Variants in TENM3 observed in about 807,000 individuals in gnomAD.
TENM3 encodes the protein teneurin-3.
TENM3 carries 63 observed loss-of-function variants against 255.1 expected under a neutral mutation model. That is an observed-to-expected ratio of 0.25 (90% CI 0.20 to 0.30). TENM3 has a LOEUF of 0.30. Among genes scored for constraint, TENM3 ranks in the 10% least tolerant of loss-of-function variants. The pLI is 1.00. For synonymous variants in TENM3, 1,306 were observed against 1,322.3 expected (o/e 0.99, Z 0.27); for missense variants, 2,929 against 3,461.1 (o/e 0.85, Z 3.86).
rs55836889 is a variant in TENM3, at chr4:182,426,007, C to CAAAAAAAAAAAAAAAAAA, written c.511+79084_511+79101dup. On this transcript the variant is annotated intron_variant, in intron 3 of 27. Transcript: ENST00000511685. ...TAAGAGACAGAGCGAGAGTCCATGTCAAAAAAAAAAAAAAAAAAAAAAACA... is the reference window on the plus strand; with the variant it reads ...TAAGAGACAGAGCGAGAGTCCATGTCAAAAAAAAAAAAAAAAAAAAAAAAAAAAAAAAAAAAAAAAACA... Among the ~76,000 whole-genome samples, 231 of 90,706 alleles carry CAAAAAAAAAAAAAAAAAA rather than the reference C, an allele frequency of 2.5e-3. 9 individuals are homozygous for CAAAAAAAAAAAAAAAAAA. Among genetic ancestry groups the CAAAAAAAAAAAAAAAAAA allele is most frequent in the Non-Finnish European group, 3.9e-3 (177 of 45,356 alleles). 59.5% of individuals were successfully genotyped at this position (90,706 alleles called of 152,430 possible). A position where few individuals can be genotyped will look rare whatever the true frequency, so the allele number is the denominator to read the frequency against.
chr4:182,658,596 A>T (rs1753957073), intron 6 of TENM3, among the ~76,000 whole-genome samples: 1 of 152,232 alleles, frequency 6.6e-6, no homozygotes, highest in African/African-American at 2.4e-5. Context: ...ACGTGTCTAA[A>T]ACAGAACCCA....
chr4:181,583,075 G>A, the TENM3 span, among the ~76,000 whole-genome samples: 1 of 152,076 alleles, frequency 6.6e-6, no homozygotes, highest in African/African-American at 2.4e-5. Flanking sequence ...TGGGCAGTGG[G>A]ACTAGGGGAA....
At chr4:181,471,642 G>A in the TENM3 span, among the ~76,000 whole-genome samples, 2 of 152,150 alleles carry the variant, frequency 1.3e-5, no homozygotes, top group Non-Finnish European at 2.9e-5. Context: ...GCATTTATAG[G>A]AAGAGGTACC....
intron 24 of TENM3, among the ~76,000 whole-genome samples, chr4:182,788,750 T>TGG (rs1765875952): frequency 6.6e-6 from 1 of 152,206 alleles, no homozygotes; most frequent in Non-Finnish European, 1.5e-5. Context: ...CAGTGTCTTT[T>TGG]GGGGGAGGAG....
At chr4:181,652,723 A>T in the TENM3 span, among the ~76,000 whole-genome samples, 1 of 152,178 alleles carries the variant, frequency 6.6e-6, no homozygotes, top group Admixed American at 6.5e-5. Context: ...AAACAACAAT[A>T]CTTTCTGTTC....
chr4:182,049,988 T>C, the TENM3 span, among the ~76,000 whole-genome samples: 13 of 122,930 alleles, frequency 1.1e-4, no homozygotes, highest in African/African-American at 3.3e-4. Flanking sequence ...GTATTTTTTT[T>C]AATTAAAAAA....
the TENM3 span, among the ~76,000 whole-genome samples, chr4:181,918,880 G>C: frequency 3.3e-5 from 5 of 152,096 alleles, no homozygotes; most frequent in Non-Finnish European, 7.4e-5. Flanking sequence ...AACGTAGTAA[G>C]AGTGACAAAA....
the TENM3 span, among the ~76,000 whole-genome samples, chr4:181,458,661 C>T: frequency 7.9e-5 from 12 of 151,852 alleles, no homozygotes; most frequent in African/African-American, 2.7e-4. Context: ...CTTATTAATC[C>T]AATCCATCTG....
chr4:182,256,260 G>A (rs143519930), intron 1 of TENM3, among the ~76,000 whole-genome samples: 1 of 152,306 alleles, frequency 6.6e-6, no homozygotes, highest in East Asian at 1.9e-4. Flanking sequence ...GATGAAATTT[G>A]AATCGATTAT....
the TENM3 span, among the ~76,000 whole-genome samples, chr4:181,608,722 C>T: frequency 1.3e-5 from 2 of 152,126 alleles, no homozygotes; most frequent in African/African-American, 4.8e-5. Flanking sequence ...TTATCAAGTG[C>T]GTATGAAGCT....
At chr4:181,517,730 C>T in the TENM3 span, among the ~76,000 whole-genome samples, 30 of 152,192 alleles carry the variant, frequency 2.0e-4, no homozygotes, top group African/African-American at 6.5e-4. Context: ...GATTCACACA[C>T]GCTATCCTGT....
intron 2 of TENM3, among the ~76,000 whole-genome samples, chr4:182,331,200 C>G (rs1763731077): frequency 6.6e-6 from 1 of 152,068 alleles, no homozygotes; most frequent in Admixed American, 6.5e-5. Flanking sequence ...AATCAAAAAA[C>G]AAGATGAAAG....
At chr4:182,425,224 G>A (rs188369044) in intron 3 of TENM3, among the ~76,000 whole-genome samples, 2 of 152,150 alleles carry the variant, frequency 1.3e-5, no homozygotes, top group East Asian at 3.9e-4. Flanking sequence ...TGATTATGTT[G>A]GACTCCATTA....
the TENM3 span, among the ~76,000 whole-genome samples, chr4:181,570,922 G>A: frequency 3.3e-5 from 5 of 152,246 alleles, no homozygotes; most frequent in Admixed American, 3.3e-4. Flanking sequence ...CAGGAGCACT[G>A]GCAGTGGGGA....
the TENM3 span, among the ~76,000 whole-genome samples, chr4:181,515,861 A>G: frequency 2.0e-5 from 3 of 152,188 alleles, no homozygotes; most frequent in African/African-American, 7.2e-5. Flanking sequence ...TACCAAAGGA[A>G]TATAAATCAT....
At chr4:181,857,861 T>C in the TENM3 span, among the ~76,000 whole-genome samples, 2 of 151,922 alleles carry the variant, frequency 1.3e-5, no homozygotes, top group Non-Finnish European at 2.9e-5. Flanking sequence ...CTGACATTCA[T>C]TAAAGAAACA....
intron 3 of TENM3, among the ~76,000 whole-genome samples, chr4:182,470,441 A>G (rs1733010028): frequency 6.6e-6 from 1 of 152,204 alleles, no homozygotes; most frequent in Non-Finnish European, 1.5e-5. Context: ...AATGCCAAGA[A>G]CACAGCTCCT....
chr4:181,902,613 T>C, the TENM3 span, among the ~76,000 whole-genome samples: 1 of 152,188 alleles, frequency 6.6e-6, no homozygotes, highest in African/African-American at 2.4e-5. Context: ...TGAATTCATG[T>C]CCTTTGCAGG....
chr4:182,323,676 C>G (rs1763201024), intron 1 of TENM3, among the ~76,000 whole-genome samples: 1 of 152,038 alleles, frequency 6.6e-6, no homozygotes, highest in Admixed American at 6.6e-5. Flanking sequence ...TCAGCGTGAG[C>G]TTACAATTTT....
Sources: gnomAD v4.1 joint callset for allele counts (sites outside exome capture counted in the v4.1 genomes callset) on GRCh38, gnomAD v4.1.1 for gene constraint, MANE v1.5 for transcripts, NCBI Gene and HGNC (gene_info 2026-07-23, HGNC 2026-07-21) for gene names.